DOCK1: variants seen among roughly 807,000 people sequenced by gnomAD.
DOCK1 encodes dedicator of cytokinesis protein 1.
DOCK1 carries 138 observed loss-of-function variants against 262.7 expected under a neutral mutation model. The observed-to-expected ratio is 0.53, with a 90% CI of 0.46 to 0.61. The LOEUF is 0.61. Ranked by LOEUF, DOCK1 falls within the 20% of genes least tolerant of loss-of-function variation. The probability of loss-of-function intolerance (pLI) is 0.00; values close to 1 mark genes in which losing one functional copy is unlikely to be tolerated. For synonymous variants in DOCK1, 866 were observed against 867.4 expected (o/e 1.00, Z 0.03); for missense variants, 1,908 against 2,370.7 (o/e 0.80, Z 4.05).
At chr10:127,417,962 G>A (rs2068260773) in intron 44 of DOCK1, among the ~76,000 whole-genome samples, 3 of 152,194 alleles carry the variant, frequency 2.0e-5, no homozygotes, top group African/African-American at 2.4e-5. Flanking sequence ...GACAGGTAGT[G>A]CAGGCTGCCC....
intron 27 of DOCK1, among the ~76,000 whole-genome samples, chr10:127,149,631 T>C (rs2489391): frequency 0.82 from 124,118 of 152,004 alleles, 51,585 homozygotes; most frequent in South Asian, 0.92. Flanking sequence ...GAGTGAAAAG[T>C]GGTGTTTAAA....
chr10:127,292,223 C>T (rs1298503440), intron 29 of DOCK1, among the ~76,000 whole-genome samples: 5 of 151,086 alleles, frequency 3.3e-5, no homozygotes, highest in Admixed American at 6.6e-5. Flanking sequence ...TTAATGTTTT[C>T]GGGGGAGGGG....
chr10:127,412,014 A>G (rs1023750818), intron 43 of DOCK1, among the ~76,000 whole-genome samples: 8 of 151,874 alleles, frequency 5.3e-5, no homozygotes, highest in African/African-American at 1.5e-4. Flanking sequence ...CCAAGCTGGA[A>G]TGCAGTGCCA....
At chr10:127,026,073 G>GAAAAAA (rs373279876) in intron 15 of DOCK1, 104,020 of 220,230 alleles carry the variant, frequency 0.47, 20,527 homozygotes, top group East Asian at 0.55. Context: ...AAAAAAAAAA[G>GAAAAAA]AAAGAAAAAA....
intron 1 of DOCK1, among the ~76,000 whole-genome samples, chr10:126,917,367 C>T (rs2032625623): frequency 6.6e-6 from 1 of 152,168 alleles, no homozygotes; most frequent in South Asian, 2.1e-4. Context: ...CCAACATATT[C>T]AGGTTTTGTC....
At chr10:127,443,773 G>A (rs912039830) in intron 49 of DOCK1, among the ~76,000 whole-genome samples, 5 of 152,084 alleles carry the variant, frequency 3.3e-5, no homozygotes, top group African/African-American at 1.2e-4. Flanking sequence ...GCTACAGAGG[G>A]AGCAATTACT....
chr10:127,333,410 G>A (rs973774092), intron 29 of DOCK1, among the ~76,000 whole-genome samples: 1 of 152,186 alleles, frequency 6.6e-6, no homozygotes, highest in Admixed American at 6.5e-5. Context: ...AAGGGCCTGA[G>A]GGTCTGTCAT....
rs1368131348 is a variant in DOCK1, at chr10:127,220,587, TGTAAAGGGAAGAAGG to T, written c.2848-27420_2848-27406del. On this transcript the variant is annotated intron_variant, in intron 27 of 51. Transcript: ENST00000623213. ...CTGGATTTTGTCTTGCAACCCTAGC[TGTAAAGGGAAGAAGG>T]AGCTTTGTGGGGTAGAGCCAAGCAT... Among the ~76,000 whole-genome samples the T allele has an allele frequency of 1.2e-4, 18 of 152,044 alleles. 1 individual carries two copies. The highest frequency in any genetic ancestry group is 1.9e-4 in the Non-Finnish European group (13 of 68,018).
rs556366520 is a variant in DOCK1, at chr10:127,316,938, C to T, written c.3045-22068C>T. ...GAAAAATATCAGCATGGAACATAAACGTTCCCCTCAGATAATCAAATAATT... is the reference window on the plus strand; with the variant it reads ...GAAAAATATCAGCATGGAACATAAATGTTCCCCTCAGATAATCAAATAATT... On this transcript the variant is annotated intron_variant, in intron 29 of 51. Coordinates refer to ENST00000623213, the MANE Select transcript of DOCK1 (RefSeq NM_001290223.2). 7.2e-5 allele frequency among the ~76,000 whole-genome samples: 11 copies of T among 152,172 alleles called. No individual in the cohort carries two copies. The South Asian group carries it at 1.9e-3, about 26-fold the overall frequency.
intron 23 of DOCK1, among the ~76,000 whole-genome samples, chr10:127,093,198 T>TTTTTTCTTTCTTTCTTTC (rs1554883873): frequency 1.1e-5 from 1 of 92,354 alleles, no homozygotes; most frequent in African/African-American, 4.5e-5. Flanking sequence ...TCCCTCTCCT[T>TTTTTTCTTTCTTTCTTTC]TTTCTTTCTT....
intron 27 of DOCK1, among the ~76,000 whole-genome samples, chr10:127,240,870 G>C (rs1025524669): frequency 6.6e-6 from 1 of 152,078 alleles, no homozygotes; most frequent in East Asian, 1.9e-4. Flanking sequence ...ATAGAATTTT[G>C]CAAGATTTTT....
chr10:127,039,295 C>T (rs1354061471), intron 19 of DOCK1, among the ~76,000 whole-genome samples: 2 of 151,924 alleles, frequency 1.3e-5, no homozygotes, highest in East Asian at 1.9e-4. Context: ...AGGTGAAATA[C>T]ATGAACGTAG....
intron 23 of DOCK1, among the ~76,000 whole-genome samples, chr10:127,094,957 T>C (rs1263162518): frequency 2.6e-5 from 4 of 152,176 alleles, no homozygotes; most frequent in Non-Finnish European, 5.9e-5. Flanking sequence ...GGAGGCCTCT[T>C]CCAAGGCTCT....
At chr10:126,910,454 T>C (rs1176573330) in intron 1 of DOCK1, among the ~76,000 whole-genome samples, 1 of 152,248 alleles carries the variant, frequency 6.6e-6, no homozygotes, top group Admixed American at 6.5e-5. Context: ...ACTTGTACGC[T>C]GTTCCCACCC....
intron 40 of DOCK1, among the ~76,000 whole-genome samples, chr10:127,406,317 C>T (rs938974542): frequency 1.3e-5 from 2 of 152,170 alleles, no homozygotes; most frequent in Non-Finnish European, 2.9e-5. Context: ...CAATAGATGC[C>T]AGGTTGTGCC....
At chr10:127,153,198 A>G (rs1439551728) in intron 27 of DOCK1, among the ~76,000 whole-genome samples, 10 of 152,270 alleles carry the variant, frequency 6.6e-5, no homozygotes, top group Admixed American at 6.5e-4. Context: ...AAAGAAAAGA[A>G]AAAAGGATAG....
intron 27 of DOCK1, among the ~76,000 whole-genome samples, chr10:127,221,668 A>G (rs977193319): frequency 1.3e-5 from 2 of 152,312 alleles, no homozygotes; most frequent in South Asian, 2.1e-4. Context: ...TCAACGCTCA[A>G]GGTCATGTGT....
intron 29 of DOCK1, among the ~76,000 whole-genome samples, chr10:127,297,411 G>A (rs577323618): frequency 6.6e-6 from 1 of 152,220 alleles, no homozygotes; most frequent in Admixed American, 6.5e-5. Flanking sequence ...AGTAGGATGT[G>A]TGATGAGAGA....
rs139810222 is a variant in DOCK1, at chr10:127,175,698, C to T, written c.2847+47934C>T. 3.8e-5 allele frequency: 61 copies of T among 1,613,760 alleles called. No homozygotes were observed. Among genetic ancestry groups the T allele is most frequent in the Non-Finnish European group, 4.7e-5 (55 of 1,180,008 alleles). ...AGCGGGCTCCTCGGAGTTTGGCCTC[C>T]CCCGGTCCTGCTTGGCCCTCCCGAG... On this transcript the variant is annotated intron_variant, in intron 27 of 51. Transcript: ENST00000623213. This position sits in a 1 kb window ranked among gnomAD's most constrained non-coding sequence, Gnocchi z 6.3.
Sources: gnomAD v4.1 joint callset for allele counts (sites outside exome capture counted in the v4.1 genomes callset) on GRCh38, gnomAD v4.1.1 for gene constraint, Gnocchi (gnomAD v3.1) non-coding constraint, MANE v1.5 for transcripts, NCBI Gene and HGNC (gene_info 2026-07-23, HGNC 2026-07-21) for gene names.